UTRN: variants seen among roughly 807,000 people sequenced by gnomAD.
UTRN encodes the protein dystrophin-related protein 1.
A neutral mutation model predicts 463.9 loss-of-function variants in UTRN; 283 were observed. The observed-to-expected ratio is 0.61, with a 90% CI of 0.55 to 0.67. UTRN has a LOEUF of 0.67. Among genes scored for constraint, UTRN ranks in the 30% least tolerant of loss-of-function variants. The probability of loss-of-function intolerance (pLI) is 0.00; values close to 1 mark genes in which losing one functional copy is unlikely to be tolerated. For missense variants in UTRN, 3,922 were observed against 4,084.3 expected (o/e 0.96, Z 1.08); for synonymous variants, 1,442 against 1,431.5 (o/e 1.01, Z -0.17).
intron 51 of UTRN, among the ~76,000 whole-genome samples, chr6:144,641,422 G>A (rs1045611164): frequency 6.6e-6 from 1 of 152,178 alleles, no homozygotes; most frequent in Non-Finnish European, 1.5e-5. Context: ...AAGCCTCCAA[G>A]TAGCAGGCTT....
intron 46 of UTRN, among the ~76,000 whole-genome samples, chr6:144,543,709 G>A (rs1213642902): frequency 6.6e-6 from 1 of 151,142 alleles, no homozygotes; most frequent in African/African-American, 2.4e-5. Context: ...TTTTTTTTGG[G>A]AGGGTTCTTT....
chr6:144,384,989 C>G (rs1266121309), intron 2 of UTRN, among the ~76,000 whole-genome samples: 1 of 152,082 alleles, frequency 6.6e-6, no homozygotes, highest in Admixed American at 6.5e-5. Context: ...TTAGCTTACT[C>G]TTATCTTGAG....
intron 6 of UTRN, among the ~76,000 whole-genome samples, chr6:144,425,688 T>C (rs547366104): frequency 5.3e-4 from 81 of 152,332 alleles, no homozygotes; most frequent in African/African-American, 1.9e-3. Context: ...TTATGATCTT[T>C]TACTAGTACT....
intron 66 of UTRN, among the ~76,000 whole-genome samples, chr6:144,824,265 G>A (rs572319135): frequency 9.9e-5 from 15 of 151,926 alleles, no homozygotes; most frequent in African/African-American, 3.4e-4. Flanking sequence ...AGTAAAAGCA[G>A]CAGGGATCCC....
At chr6:144,753,685 A>G (rs1562864844) in intron 56 of UTRN, among the ~76,000 whole-genome samples, 1 of 149,736 alleles carries the variant, frequency 6.7e-6, no homozygotes, top group Non-Finnish European at 1.5e-5. Flanking sequence ...CAGCATAGTG[A>G]GACCTTGTCT....
At chr6:144,820,763 T>C in intron 65 of UTRN, 119 bp from the exon 66 acceptor site, 1 of 1,314,968 alleles carries the variant, frequency 7.6e-7, no homozygotes, top group Non-Finnish European at 1.0e-6. Flanking sequence ...CAAAAATGCA[T>C]AAAACTACCA....
intron 64 of UTRN, among the ~76,000 whole-genome samples, chr6:144,798,430 T>A (rs906120780): frequency 2.0e-5 from 3 of 152,322 alleles, no homozygotes; most frequent in East Asian, 3.9e-4. Flanking sequence ...CCAAGTTTGA[T>A]GTGAAGTACA....
intron 2 of UTRN, among the ~76,000 whole-genome samples, chr6:144,356,188 TATG>T (rs1778530988): frequency 6.6e-6 from 1 of 152,238 alleles, no homozygotes; most frequent in African/African-American, 2.4e-5. Flanking sequence ...TTTTGTTAGA[TATG>T]ATATTTGTTT....
chr6:144,843,420 C>A (rs1009170331), intron 73 of UTRN, among the ~76,000 whole-genome samples: 1 of 152,066 alleles, frequency 6.6e-6, no homozygotes, highest in African/African-American at 2.4e-5. Flanking sequence ...TTTACAAAAG[C>A]TGGACCCATG....
intron 2 of UTRN, among the ~76,000 whole-genome samples, chr6:144,369,155 T>C (rs1284258384): frequency 6.6e-6 from 1 of 152,266 alleles, no homozygotes; most frequent in Non-Finnish European, 1.5e-5. Flanking sequence ...TCACTAAAAC[T>C]TACCCAGATC....
At position 144,744,651 on chromosome 6, in the gene UTRN, A is replaced by G. The variant is rs189991249; in HGVS notation, c.7940-3595A>G. 2.4e-3 allele frequency among the ~76,000 whole-genome samples: 366 copies of G among 149,784 alleles called. 2 individuals are homozygous for G. The highest frequency in any genetic ancestry group is 4.5e-3 in the Non-Finnish European group (308 of 67,696). On this transcript the variant is annotated intron_variant, in intron 54 of 74. Coordinates refer to ENST00000367545, the MANE Select transcript of UTRN (RefSeq NM_007124.3). ...CACATACACACACACACACACACAC[A>G]CTTTAGAGAATAGGAAAGTGACATA...
rs568793103 is a variant in UTRN at position 144,479,739 on chromosome 6, A to G, written c.3337-73A>G. On this transcript the variant is annotated intron_variant, in intron 25 of 74. Transcript: ENST00000367545. Reference sequence around the variant, plus strand: ...TGGAAAGTTATTACTGTGCCTTTAAATATTAAGAGCTAAAACTTGACATTG... The same window carrying G: ...TGGAAAGTTATTACTGTGCCTTTAAGTATTAAGAGCTAAAACTTGACATTG... 5.3e-6 allele frequency: 8 copies of G among 1,510,832 alleles called. No individual in the cohort carries two copies. The African/African-American group carries it at 7.0e-5, about 13-fold the overall frequency. The allele number at this position is 1,510,832 out of a possible 1,614,324, so 93.6% of individuals were successfully genotyped here.
chr6:144,610,195 GA>G (rs201526027), intron 51 of UTRN, among the ~76,000 whole-genome samples: 50 of 105,686 alleles, frequency 4.7e-4, no homozygotes, highest in East Asian at 1.3e-3. Flanking sequence ...GACTAACCAA[GA>G]AAAAAAAAAA....
intron 2 of UTRN, among the ~76,000 whole-genome samples, chr6:144,295,425 G>T (rs1386744012): frequency 6.6e-6 from 1 of 152,218 alleles, no homozygotes; most frequent in Non-Finnish European, 1.5e-5. Flanking sequence ...TCCATGTGGA[G>T]TTCTTGACAG....
At chr6:144,344,892 A>C (rs761851670) in intron 2 of UTRN, among the ~76,000 whole-genome samples, 1 of 152,148 alleles carries the variant, frequency 6.6e-6, no homozygotes, top group Non-Finnish European at 1.5e-5. Flanking sequence ...AGTGTCGTGC[A>C]CTTTTCTCTC....
At chr6:144,688,647 G>A (rs915651901) in intron 52 of UTRN, among the ~76,000 whole-genome samples, 15 of 152,128 alleles carry the variant, frequency 9.9e-5, no homozygotes, top group African/African-American at 3.4e-4. Flanking sequence ...GACTCTGTAT[G>A]AGTTCCTTGG....
chr6:144,479,814 C>G lies in UTRN; in HGVS notation c.3339C>G (p.Ile1113Met). ...GGGGAATGGCTTTTCCTTTGTAGAT[C>G]GCTACTCAAAAAAGTAGGTTGTCTG... ...QTQLEKLSKE[I>M]ATQKSRLSES... is the part of the protein sequence containing the mutation. The change falls in exon 26 of 75, where the codon ATC (isoleucine) becomes ATG (methionine). Residue 1113 changes from isoleucine (I) to methionine (M), a missense_variant and splice_region_variant. Physicochemically the swap from Ile to Met is conservative, Grantham distance 10. Coordinates refer to ENST00000367545, the MANE Select transcript of UTRN (RefSeq NM_007124.3). The G allele has an allele frequency of 6.2e-7, 1 of 1,611,882 alleles. No individual in the cohort carries two copies. Among genetic ancestry groups the G allele is most frequent in the Non-Finnish European group, 8.5e-7 (1 of 1,179,042 alleles).
chr6:144,721,676 G>A (rs142051655), intron 53 of UTRN, among the ~76,000 whole-genome samples: 1,959 of 152,138 alleles, frequency 0.013, 16 homozygotes, highest in Non-Finnish European at 0.02. Flanking sequence ...AAAATTCTTG[G>A]GATCAGAAGT....
At chr6:144,374,205 T>A (rs1780244815) in intron 2 of UTRN, among the ~76,000 whole-genome samples, 1 of 152,210 alleles carries the variant, frequency 6.6e-6, no homozygotes, top group Non-Finnish European at 1.5e-5. Flanking sequence ...AATTTTAGTT[T>A]AGTTCATGGA....
Sources: allele counts gnomAD v4.1 joint callset (sites outside exome capture counted in the v4.1 genomes callset), GRCh38; gene constraint gnomAD v4.1.1; transcripts MANE v1.5; gene names NCBI Gene and HGNC (gene_info 2026-07-23, HGNC 2026-07-21).